Variants in TEX9 observed in about 807,000 individuals in gnomAD.
The protein encoded by TEX9 is testis expressed 9.
TEX9 carries 74 observed loss-of-function variants against 59.6 expected under a neutral mutation model. The observed-to-expected ratio is 1.24, with a 90% CI of 1.03 to 1.51. The LOEUF is 1.51. TEX9 is among the 40% of genes most tolerant of loss of function. The pLI, the probability that TEX9 is intolerant of heterozygous loss-of-function variation, is 0.00. For synonymous variants in TEX9, 186 were observed against 152.2 expected (o/e 1.22, Z -1.64); for missense variants, 522 against 447.8 (o/e 1.17, Z -1.49).
chr15:56,401,180 G>A (rs992161329), intron 9 of TEX9, among the ~76,000 whole-genome samples: 3 of 151,896 alleles, frequency 2.0e-5, no homozygotes, highest in African/African-American at 7.3e-5. Flanking sequence ...AAAAGACACA[G>A]ACTCGCAAAT....
Position 56,373,423 on chromosome 15 carries a change from A to G in TEX9, c.120-18A>G. 6.3e-7 allele frequency: 1 copy of G among 1,588,132 alleles called. No individual in the cohort carries two copies. The highest frequency in any genetic ancestry group is 8.5e-7 in the Non-Finnish European group (1 of 1,171,238). On this transcript the variant is annotated intron_variant, in intron 2 of 12. Coordinates refer to ENST00000352903, the Ensembl canonical transcript of TEX9. ...TTGTTAAGATCTTCAGTATATCCCA[A>G]TTATTTTCTGCTTTTAGGCGTTTAA...
intron 1 of TEX9, among the ~76,000 whole-genome samples, chr15:56,339,383 C>CAAA (rs71456382): frequency 0.073 from 2,229 of 30,622 alleles, 399 homozygotes; most frequent in Non-Finnish European, 0.092. Context: ...ACTCCTTCTC[C>CAAA]AAAAAAAAAA....
chr15:56,324,592 G>A (rs534947596), intron 1 of TEX9, among the ~76,000 whole-genome samples: 2 of 152,166 alleles, frequency 1.3e-5, no homozygotes, highest in Admixed American at 6.5e-5. Flanking sequence ...TAGGAATATT[G>A]TATAGGCTTT....
intron 1 of TEX9, among the ~76,000 whole-genome samples, chr15:56,292,509 C>T (rs1242085496): frequency 6.6e-6 from 1 of 152,150 alleles, no homozygotes; most frequent in African/African-American, 2.4e-5. Context: ...TGGGAAGGGC[C>T]TTAGACCTTT....
intron 3 of TEX9, among the ~76,000 whole-genome samples, chr15:56,380,474 C>T (rs1454885650): frequency 6.6e-6 from 1 of 152,052 alleles, no homozygotes; most frequent in East Asian, 1.9e-4. Flanking sequence ...TTATAATATT[C>T]TGTGTTTTTC....
At chr15:56,369,697 G>T (rs1039643051) in intron 2 of TEX9, among the ~76,000 whole-genome samples, 2 of 152,042 alleles carry the variant, frequency 1.3e-5, no homozygotes, top group South Asian at 4.1e-4. Context: ...ACTTATTTGT[G>T]GCCAAGTGCT....
Position 56,259,890 on chromosome 15 carries a change from CTATT to C in TEX9, c.-107+15613_-107+15616del, listed in dbSNP as rs756806393. On this transcript the variant is annotated intron_variant, in intron 1 of 5. Transcript: ENST00000560827. The stretch of plus-strand genomic sequence containing the variant: ...CTCCAAATCCATGAACATGGTATAT[CTATT>C]CATCTAGTTAGATCTTATGTAATTT... Among the ~76,000 whole-genome samples, 3 of 152,110 alleles carry C rather than the reference CTATT, an allele frequency of 2.0e-5. 1 individual carries two copies. The highest frequency in any genetic ancestry group is 6.5e-5 in the Admixed American group (1 of 15,280).
At chr15:56,263,503 T>C (rs1181293858) in intron 1 of TEX9, among the ~76,000 whole-genome samples, 1 of 152,226 alleles carries the variant, frequency 6.6e-6, no homozygotes, top group Non-Finnish European at 1.5e-5. Flanking sequence ...GGGTTAATTA[T>C]ATTTTTATTT....
intron 12 of TEX9, among the ~76,000 whole-genome samples, chr15:56,433,337 T>C (rs1273639487): frequency 1.3e-5 from 2 of 151,890 alleles, no homozygotes; most frequent in Non-Finnish European, 2.9e-5. Context: ...AGATGACGGG[T>C]TGATAGGTGC....
chr15:56,246,364 C>A (rs2713933), intron 1 of TEX9, among the ~76,000 whole-genome samples: 46,760 of 151,962 alleles, frequency 0.31, 8,847 homozygotes, highest in Non-Finnish European at 0.41. Context: ...GAGTGAGATA[C>A]CCTTTCAGGG....
intron 7 of TEX9, among the ~76,000 whole-genome samples, chr15:56,392,363 C>T (rs12439245): frequency 0.044 from 6,712 of 152,120 alleles, 226 homozygotes; most frequent in Admixed American, 0.087. Flanking sequence ...GCATCTCACA[C>T]GGTGGGATCA....
chr15:56,384,661 G>A (rs111530718), intron 4 of TEX9, among the ~76,000 whole-genome samples: 5 of 152,174 alleles, frequency 3.3e-5, no homozygotes, highest in Admixed American at 1.3e-4. Context: ...ATTCAGAAGT[G>A]TGGCATTACC....
intron 1 of TEX9, among the ~76,000 whole-genome samples, chr15:56,289,124 G>T (rs1440474317): frequency 3.9e-5 from 6 of 151,928 alleles, no homozygotes; most frequent in Non-Finnish European, 8.8e-5. Flanking sequence ...GTCATTTATT[G>T]TTTCTCTGAT....
intron 1 of TEX9, among the ~76,000 whole-genome samples, chr15:56,287,031 G>T (rs1567073812): frequency 6.6e-6 from 1 of 152,150 alleles, no homozygotes; most frequent in East Asian, 1.9e-4. Flanking sequence ...CTTAATGTCA[G>T]AATGCTTTGT....
At chr15:56,430,992 C>G (rs935714360) in intron 12 of TEX9, among the ~76,000 whole-genome samples, 3 of 152,120 alleles carry the variant, frequency 2.0e-5, no homozygotes, top group Non-Finnish European at 2.9e-5. Flanking sequence ...AAAATCCTGT[C>G]CTTACCAAAA....
chr15:56,354,547 G>C lies in TEX9; in HGVS notation c.-106-18894G>C, dbSNP rs184003109. On this transcript the variant is annotated intron_variant, in intron 1 of 5. Transcript: ENST00000560827. ...ACCAAAAAGCATTACTGGAGATAAA[G>C]AGATTATTACATAATAATAACAAAG... 2.0e-4 allele frequency among the ~76,000 whole-genome samples: 31 copies of C among 152,272 alleles called. No homozygotes were observed. The East Asian group carries it at 5.6e-3, about 27-fold the overall frequency.
intron 12 of TEX9, chr15:56,429,404 T>C (rs1472293276): frequency 1.4e-5 from 6 of 425,792 alleles, no homozygotes; most frequent in Non-Finnish European, 2.5e-5. Flanking sequence ...AATTTTCTGA[T>C]TTATCAGCTC....
chr15:56,433,182 C>T (rs1464150534), intron 12 of TEX9, among the ~76,000 whole-genome samples: 1 of 150,932 alleles, frequency 6.6e-6, no homozygotes, highest in Non-Finnish European at 1.5e-5. Flanking sequence ...TAGGATGTCA[C>T]CCAGTCACCC....
chr15:56,316,664 G>A (rs1397167067), intron 1 of TEX9, among the ~76,000 whole-genome samples: 1 of 152,198 alleles, frequency 6.6e-6, no homozygotes, highest in Non-Finnish European at 1.5e-5. Flanking sequence ...TCCTTGAGCT[G>A]TGGTGGGCTC....
Sources: allele counts gnomAD v4.1 joint callset (sites outside exome capture counted in the v4.1 genomes callset), GRCh38; gene constraint gnomAD v4.1.1; transcripts MANE v1.5; gene names NCBI Gene and HGNC (gene_info 2026-07-23, HGNC 2026-07-21).